Variants in YIPF1 observed in about 807,000 individuals in gnomAD.
The protein encoded by YIPF1 is protein YIPF1.
In YIPF1, 22 loss-of-function variants were observed where a neutral mutation model predicts 37.0. The ratio of observed to expected loss-of-function variants is 0.59; its 90% CI spans 0.42 to 0.85. YIPF1 has a LOEUF of 0.85. YIPF1 is among the 40% of genes least tolerant of loss of function. YIPF1 has a pLI of 0.00. For synonymous variants in YIPF1, 128 were observed against 131.9 expected (o/e 0.97, Z 0.21); for missense variants, 355 against 373.1 (o/e 0.95, Z 0.40).
chr1:53,854,201 G>A (rs1013838549), intron 10 of YIPF1, among the ~76,000 whole-genome samples: 1 of 152,010 alleles, frequency 6.6e-6, no homozygotes, highest in Non-Finnish European at 1.5e-5. Flanking sequence ...GCAATGAGCC[G>A]AGATTGCACC....
intron 7 of YIPF1, among the ~76,000 whole-genome samples, chr1:53,869,825 C>T (rs1171844592): frequency 6.6e-6 from 1 of 151,692 alleles, no homozygotes; most frequent in Non-Finnish European, 1.5e-5. Flanking sequence ...TTCATTTCTG[C>T]ATTTTCCCTT....
intron 9 of YIPF1, among the ~76,000 whole-genome samples, chr1:53,863,615 C>A (rs1649942808): frequency 6.6e-6 from 1 of 152,168 alleles, no homozygotes; most frequent in South Asian, 2.1e-4. Flanking sequence ...GAATTACGCT[C>A]TTTTAGAAAG....
At chr1:53,889,669 A>G in intron 1 of YIPF1, 44 bp downstream of exon 1, 1 of 152,160 alleles carries the variant, frequency 6.6e-6, no homozygotes, top group Non-Finnish European at 1.5e-5. Flanking sequence ...GAGATCCTGA[A>G]CCCCCTTAGC....
intron 6 of YIPF1, among the ~76,000 whole-genome samples, chr1:53,873,710 G>C (rs373593564): frequency 6.6e-6 from 1 of 151,470 alleles, no homozygotes; most frequent in South Asian, 2.1e-4. Flanking sequence ...AAGTGGGGGC[G>C]GGGGGGAATG....
At chr1:53,872,252 C>A (rs1650213011) in intron 6 of YIPF1, among the ~76,000 whole-genome samples, 1 of 152,162 alleles carries the variant, frequency 6.6e-6, no homozygotes, top group Non-Finnish European at 1.5e-5. Context: ...CCAAAGTAAG[C>A]AGTTTCTGAT....
At chr1:53,864,936 G>A (rs1649978143) in intron 9 of YIPF1, among the ~76,000 whole-genome samples, 1 of 152,162 alleles carries the variant, frequency 6.6e-6, no homozygotes. Context: ...CACAGATTAA[G>A]AAATTAAGAT....
rs147363478 is a variant in YIPF1 at position 53,861,202 on chromosome 1, A to G, written c.832-1049T>C. Among the ~76,000 whole-genome samples, 927 of 152,242 alleles carry G rather than the reference A, an allele frequency of 6.1e-3. 6 individuals are homozygous for G. Among genetic ancestry groups the G allele is most frequent in the African/African-American group, 0.022 (897 of 41,542 alleles). ...TTTGCCCCATTCCCAAAGCAACTCTATTACTTTTAAGAGGCTTCCTCCTTA... is the reference window on the plus strand; with the variant it reads ...TTTGCCCCATTCCCAAAGCAACTCTGTTACTTTTAAGAGGCTTCCTCCTTA... On this transcript the variant is annotated intron_variant, in intron 9 of 10. Transcript: ENST00000072644.
At chr1:53,881,164 G>A (rs1650486320) in intron 4 of YIPF1, among the ~76,000 whole-genome samples, 1 of 150,004 alleles carries the variant, frequency 6.7e-6, no homozygotes, top group Non-Finnish European at 1.5e-5. Flanking sequence ...TTGGGAGGCT[G>A]AGGCAGGAGA....
chr1:53,885,172 C>A (rs993988749), intron 3 of YIPF1, among the ~76,000 whole-genome samples: 2 of 152,134 alleles, frequency 1.3e-5, no homozygotes, highest in African/African-American at 4.8e-5. Context: ...ATACCTACCC[C>A]ACAAAGAGAT....
At chr1:53,865,802 A>C (rs1200921859) in intron 9 of YIPF1, among the ~76,000 whole-genome samples, 1 of 151,970 alleles carries the variant, frequency 6.6e-6, no homozygotes, top group Non-Finnish European at 1.5e-5. Flanking sequence ...TTTTCTTTTG[A>C]GACAGGGTCT....
intron 6 of YIPF1, among the ~76,000 whole-genome samples, chr1:53,871,999 A>G (rs934934073): frequency 7.0e-6 from 1 of 142,506 alleles, no homozygotes; most frequent in African/African-American, 2.6e-5. Context: ...GGTTGTGTTG[A>G]GTGTCAGTGT....
chr1:53,889,242 A>T lies in YIPF1; in HGVS notation c.-50+2T>A. The T allele has an allele frequency of 3.3e-6, 1 of 301,420 alleles. No individual in the cohort carries two copies. The highest frequency in any genetic ancestry group is 6.4e-6 in the Non-Finnish European group (1 of 157,100). 18.7% of individuals were successfully genotyped at this position (301,420 alleles called of 1,614,324 possible). ...ATGTACCAGGAATGAATCTCAACTC[A>T]CTGTGTGAATGTTTAGAGAGCAGGT... is the stretch of plus-strand genomic sequence containing the variant. On this transcript the variant is annotated splice_donor_variant, in intron 2 of 10. Coordinates refer to ENST00000072644, the MANE Select transcript of YIPF1 (RefSeq NM_018982.5). LOFTEE classifies it low-confidence loss of function (5UTR_SPLICE).
At chr1:53,886,974 G>A (rs1388835086) in intron 3 of YIPF1, among the ~76,000 whole-genome samples, 1 of 151,984 alleles carries the variant, frequency 6.6e-6, no homozygotes, top group Non-Finnish European at 1.5e-5. Context: ...AGCCCATGCA[G>A]CTTGGGCAGA....
intron 9 of YIPF1, among the ~76,000 whole-genome samples, chr1:53,861,745 G>C (rs559240928): frequency 2.4e-3 from 359 of 152,218 alleles, no homozygotes; most frequent in Non-Finnish European, 4.2e-3. Context: ...TGGGTGTGGT[G>C]GCTCACACCT....
chr1:53,874,078 T>C (rs919889143), intron 6 of YIPF1, among the ~76,000 whole-genome samples: 3 of 152,150 alleles, frequency 2.0e-5, no homozygotes, highest in Non-Finnish European at 1.5e-5. Flanking sequence ...CTTAGCATTT[T>C]TGTCCCTCTC....
chr1:53,887,154 T>TCGGTTCACTGCAACCAGAG (rs1650676318), intron 3 of YIPF1, among the ~76,000 whole-genome samples: 1 of 151,944 alleles, frequency 6.6e-6, no homozygotes, highest in Non-Finnish European at 1.5e-5. Flanking sequence ...TGGTGCGATC[T>TCGGTTCACTGCAACCAGAG]CGGTTCACTG....
intron 10 of YIPF1, among the ~76,000 whole-genome samples, chr1:53,852,947 A>C (rs547627179): frequency 2.6e-5 from 4 of 152,208 alleles, no homozygotes; most frequent in Non-Finnish European, 4.4e-5. Flanking sequence ...ATATGAAATG[A>C]TCGGTCCTGA....
intron 4 of YIPF1, among the ~76,000 whole-genome samples, chr1:53,880,452 G>A (rs1650460997): frequency 6.6e-6 from 1 of 152,160 alleles, no homozygotes; most frequent in Non-Finnish European, 1.5e-5. Context: ...CTCATAGTTA[G>A]GAAGAATCAG....
intron 9 of YIPF1, among the ~76,000 whole-genome samples, chr1:53,862,980 G>A (rs1306896385): frequency 6.6e-6 from 1 of 152,092 alleles, no homozygotes; most frequent in Admixed American, 6.5e-5. Flanking sequence ...GAAAAAGGAG[G>A]GGCTGGTCAC....
Sources: allele counts gnomAD v4.1 joint callset (sites outside exome capture counted in the v4.1 genomes callset), GRCh38; gene constraint gnomAD v4.1.1; transcripts MANE v1.5; gene names NCBI Gene and HGNC (gene_info 2026-07-23, HGNC 2026-07-21).